Variants in HIBCH observed in about 807,000 individuals in gnomAD.
HIBCH encodes 3-hydroxyisobutyryl-CoA hydrolase, mitochondrial.
In HIBCH, 50 loss-of-function variants were observed where a neutral mutation model predicts 58.2. That is an observed-to-expected ratio of 0.86 (90% confidence interval 0.68 to 1.09). HIBCH has a LOEUF of 1.09. Ranked by LOEUF, HIBCH falls within the 50% of genes least tolerant of loss-of-function variation. The pLI, the probability that HIBCH is intolerant of heterozygous loss-of-function variation, is 0.00. For missense variants in HIBCH, 450 were observed against 449.7 expected (o/e 1.00, Z -0.01); for synonymous variants, 151 against 146.9 (o/e 1.03, Z -0.20).
rs1466785924 is a variant in HIBCH at position 190,211,836 on chromosome 2, A to G, written c.1011+1120T>C. Among the ~76,000 whole-genome samples, 1 of 152,232 alleles carries G rather than the reference A, an allele frequency of 6.6e-6. No homozygotes were observed. The highest frequency in any genetic ancestry group is 1.5e-5 in the Non-Finnish European group (1 of 68,034). On this transcript the variant is annotated intron_variant, in intron 12 of 13. Transcript: ENST00000359678. This position sits in a 1 kb window ranked among gnomAD's most constrained non-coding sequence, Gnocchi z 5.0. Reference sequence around the variant, plus strand: ...CAACAATATAAGGCTAACACTGAGCACAGTGCCTGGGACATAGCTAACATA... The same window carrying G: ...CAACAATATAAGGCTAACACTGAGCGCAGTGCCTGGGACATAGCTAACATA...
chr2:190,314,349 G>GTA lies in HIBCH; in HGVS notation c.36-3555_36-3554dup, dbSNP rs376171257. Among the ~76,000 whole-genome samples, 214 of 27,792 alleles carry GTA rather than the reference G, an allele frequency of 7.7e-3. 3 individuals are homozygous for GTA. Among genetic ancestry groups the GTA allele is most frequent in the African/African-American group, 0.023 (157 of 6,794 alleles). 18.2% of individuals were successfully genotyped at this position (27,792 alleles called of 152,430 possible). A position where few individuals can be genotyped will look rare whatever the true frequency, so the allele number is the denominator to read the frequency against. ...TATATGTATATATACATATATATGT[G>GTA]TATATATACGTATATATATACGTAT... On this transcript the variant is annotated intron_variant, in intron 1 of 13. Transcript: ENST00000359678.
chr2:190,273,781 C>A (rs2105967301), intron 6 of HIBCH, among the ~76,000 whole-genome samples: 1 of 152,160 alleles, frequency 6.6e-6, no homozygotes. Flanking sequence ...GAAGTTTCTC[C>A]AAAAATCTTA....
chr2:190,209,414 G>A lies in HIBCH; in HGVS notation c.1012-501C>T, dbSNP rs1216537278. 6.6e-6 allele frequency among the ~76,000 whole-genome samples: 1 copy of A among 152,056 alleles called. No homozygotes were observed. Among genetic ancestry groups the A allele is most frequent in the Non-Finnish European group, 1.5e-5 (1 of 68,008 alleles). ...ATTCATGATCAAAAATCTCAAACAG[G>A]CACAGAAAACTGCCAAACAATCCAA... On this transcript the variant is annotated intron_variant, in intron 12 of 13. Coordinates refer to ENST00000359678, the MANE Select transcript of HIBCH (RefSeq NM_014362.4). The surrounding 1 kb of genome is among the most constrained non-coding windows in gnomAD (Gnocchi z 5.6).
At position 190,243,691 on chromosome 2, in the gene HIBCH, G is replaced by A. The variant is rs944020529; in HGVS notation, c.891+1196C>T. On this transcript the variant is annotated intron_variant, in intron 11 of 13. Coordinates refer to ENST00000359678, the MANE Select transcript of HIBCH (RefSeq NM_014362.4). This position sits in a 1 kb window ranked among gnomAD's most constrained non-coding sequence, Gnocchi z 4.1. ...CCCTTAAGAATACAGTAAAAGGCCG[G>A]GTGTGGTGGCTCACACCTGTAATCC... Among the ~76,000 whole-genome samples the A allele has an allele frequency of 6.6e-6, 1 of 152,138 alleles. No individual in the cohort carries two copies. The highest frequency in any genetic ancestry group is 6.6e-5 in the Admixed American group (1 of 15,264).
chr2:190,296,398 C>T (rs975598136), intron 3 of HIBCH, among the ~76,000 whole-genome samples: 2 of 143,108 alleles, frequency 1.4e-5, no homozygotes, highest in African/African-American at 5.2e-5. Flanking sequence ...CCAGCCTGGG[C>T]GACAGAGTGA....
intron 1 of HIBCH, among the ~76,000 whole-genome samples, chr2:190,313,194 G>A (rs1489506396): frequency 6.6e-6 from 1 of 151,950 alleles, no homozygotes; most frequent in East Asian, 1.9e-4. Context: ...GTAACTATTG[G>A]ACATGCTCAC....
intron 1 of HIBCH, 23 bp from the exon 2 acceptor site, chr2:190,310,819 T>A: frequency 6.4e-7 from 1 of 1,552,510 alleles, no homozygotes; most frequent in Non-Finnish European, 8.9e-7. Context: ...TGGAAAACAA[T>A]GAGAACAGTA....
At chr2:190,200,149 G>A (rs776356022), downstream of HIBCH, 9 of 1,612,714 alleles carry the variant, frequency 5.6e-6, no homozygotes, top group Non-Finnish European at 6.8e-6. Flanking sequence ...GGGGCCTTGA[G>A]GCTGTAGGAT....
chr2:190,303,006 G>C (rs1462632969), intron 2 of HIBCH, among the ~76,000 whole-genome samples: 1 of 152,148 alleles, frequency 6.6e-6, no homozygotes, highest in Non-Finnish European at 1.5e-5. Flanking sequence ...GTTTAAATTA[G>C]TAAGTAATGG....
In HIBCH at chr2:190,246,144, T is replaced by C. The variant is rs1686600478; in HGVS notation, c.809+10A>G. The C allele has an allele frequency of 1.3e-6, 2 of 1,497,906 alleles. No individual in the cohort carries two copies. Among genetic ancestry groups the C allele is most frequent in the Non-Finnish European group, 1.9e-6 (2 of 1,075,106 alleles). The allele number at this position is 1,497,906 out of a possible 1,614,324, so 92.8% of individuals were successfully genotyped here. A position where few individuals can be genotyped will look rare whatever the true frequency, so the allele number is the denominator to read the frequency against. ...AAAGGAATATATAACTGAGATCTCT[T>C]TTTAGGTACCTGTTTATTTTGTCCA... On this transcript the variant is annotated intron_variant, in intron 10 of 13. Transcript: ENST00000359678.
chr2:190,263,144 T>C (rs549045627), intron 6 of HIBCH, among the ~76,000 whole-genome samples: 1 of 152,346 alleles, frequency 6.6e-6, no homozygotes, highest in South Asian at 2.1e-4. Context: ...AGCTGATACT[T>C]CTTTGCTAGA....
chr2:190,296,159 G>A (rs1225126154), intron 3 of HIBCH, among the ~76,000 whole-genome samples: 4 of 152,130 alleles, frequency 2.6e-5, no homozygotes, highest in South Asian at 2.1e-4. Flanking sequence ...GGTGGCTCAC[G>A]CCTGTAATCC....
intron 3 of HIBCH, among the ~76,000 whole-genome samples, chr2:190,296,536 G>A (rs1360609871): frequency 1.3e-5 from 2 of 151,942 alleles, no homozygotes; most frequent in Admixed American, 6.6e-5. Flanking sequence ...TTAAAGGTCA[G>A]AGAAATACAG....
chr2:190,196,288 T>C (rs370192581), intron 1 of HIBCH, among the ~76,000 whole-genome samples: 1 of 152,136 alleles, frequency 6.6e-6, no homozygotes, highest in South Asian at 2.1e-4. Flanking sequence ...GACACATCTA[T>C]AGATTTATGT....
intron 2 of HIBCH, among the ~76,000 whole-genome samples, chr2:190,298,437 C>T (rs373162671): frequency 5.6e-4 from 85 of 152,280 alleles, no homozygotes; most frequent in African/African-American, 1.9e-3. Flanking sequence ...TTTTAATAAT[C>T]GCCATGCTGA....
At chr2:190,201,433 A>C (rs929533714), downstream of HIBCH, 4 of 167,084 alleles carry the variant, frequency 2.4e-5, no homozygotes, top group African/African-American at 4.8e-5. Context: ...TTGAGTTTAA[A>C]TGGAAAGGAA....
At chr2:190,224,407 A>T (rs1448087796) in intron 11 of HIBCH, among the ~76,000 whole-genome samples, 2 of 152,170 alleles carry the variant, frequency 1.3e-5, no homozygotes, top group African/African-American at 4.8e-5. Context: ...GTGCAGAGAC[A>T]CACACAGGCT....
chr2:190,260,908 A>G (rs1178302515), intron 7 of HIBCH, among the ~76,000 whole-genome samples: 1 of 152,176 alleles, frequency 6.6e-6, no homozygotes, highest in Non-Finnish European at 1.5e-5. Flanking sequence ...TATTTTATCT[A>G]TAGTGTTAAT....
At chr2:190,253,126 T>G (rs543576121) in intron 7 of HIBCH, among the ~76,000 whole-genome samples, 5 of 152,060 alleles carry the variant, frequency 3.3e-5, no homozygotes, top group African/African-American at 1.2e-4. Flanking sequence ...GAGGCAGAGG[T>G]TGCAGTGAGC....
Sources: allele counts gnomAD v4.1 joint callset (sites outside exome capture counted in the v4.1 genomes callset), GRCh38; gene constraint gnomAD v4.1.1; non-coding constraint Gnocchi (gnomAD v3.1); transcripts MANE v1.5; gene names NCBI Gene and HGNC (gene_info 2026-07-23, HGNC 2026-07-21).